Variants in AK8 observed in about 807,000 individuals in gnomAD.
The protein encoded by AK8 is adenylate kinase 8, also known as ATP-AMP transphosphorylase 8.
In AK8, 44 loss-of-function variants were observed where a neutral mutation model predicts 54.6. The ratio of observed to expected loss-of-function variants is 0.81; its 90% CI spans 0.63 to 1.04. AK8 has a LOEUF of 1.04. Ranked by LOEUF, AK8 falls within the 50% of genes least tolerant of loss-of-function variation. AK8 has a pLI of 0.00. For missense variants in AK8, 555 were observed against 613.6 expected (o/e 0.90, Z 1.01); for synonymous variants, 239 against 245.6 (o/e 0.97, Z 0.25).
intron 2 of AK8, among the ~76,000 whole-genome samples, chr9:132,871,902 T>C (rs550020205): frequency 5.3e-5 from 8 of 152,332 alleles, no homozygotes; most frequent in Admixed American, 1.3e-4. Context: ...AGTGGATAGT[T>C]TGACATTGAA....
At chr9:132,779,249 GTT>G (rs1296016739) in intron 11 of AK8, among the ~76,000 whole-genome samples, 1 of 152,248 alleles carries the variant, frequency 6.6e-6, no homozygotes, top group Non-Finnish European at 1.5e-5. Context: ...TAGTAAATGT[GTT>G]TACACTTCTT....
intron 11 of AK8, among the ~76,000 whole-genome samples, chr9:132,783,198 G>A (rs1457011810): frequency 6.6e-6 from 1 of 152,148 alleles, no homozygotes; most frequent in Non-Finnish European, 1.5e-5. Context: ...GGAGACATGA[G>A]TACAGAGGAA....
chr9:132,793,240 C>T (rs1313624922), intron 10 of AK8, among the ~76,000 whole-genome samples: 1 of 152,194 alleles, frequency 6.6e-6, no homozygotes, highest in Non-Finnish European at 1.5e-5. Context: ...TCTCTGGGGT[C>T]TCCCTTATAC....
At chr9:132,729,164 C>T (rs1361679575) in intron 11 of AK8, among the ~76,000 whole-genome samples, 1 of 152,200 alleles carries the variant, frequency 6.6e-6, no homozygotes, top group Non-Finnish European at 1.5e-5. Context: ...GGATTACAGG[C>T]ATGAGCCACC....
intron 5 of AK8, among the ~76,000 whole-genome samples, chr9:132,829,147 A>G (rs1842005568): frequency 6.6e-6 from 1 of 152,110 alleles, no homozygotes. Flanking sequence ...TAGTAGAAAC[A>G]GAGTTTCACC....
At chr9:132,846,324 C>T (rs1263169753) in intron 5 of AK8, among the ~76,000 whole-genome samples, 1 of 152,236 alleles carries the variant, frequency 6.6e-6, no homozygotes, top group African/African-American at 2.4e-5. Flanking sequence ...CCAAGCCTCT[C>T]TTCCAGCTAT....
At chr9:132,745,294 T>C (rs1837588928) in intron 11 of AK8, among the ~76,000 whole-genome samples, 1 of 152,196 alleles carries the variant, frequency 6.6e-6, no homozygotes, top group South Asian at 2.1e-4. Flanking sequence ...TGCATTTAAC[T>C]AATGGGGAAC....
intron 11 of AK8, among the ~76,000 whole-genome samples, chr9:132,766,648 CTT>C (rs1838736895): frequency 6.6e-6 from 1 of 151,802 alleles, no homozygotes; most frequent in Non-Finnish European, 1.5e-5. Context: ...AAAAAAAAAA[CTT>C]AAAATTTATA....
At position 132,860,259 on chromosome 9, in the gene AK8, C is replaced by T. The variant is rs186159999; in HGVS notation, c.333+3406G>A. On this transcript the variant is annotated intron_variant, in intron 4 of 12. Transcript: ENST00000298545. The surrounding 1 kb of genome is among the most constrained non-coding windows in gnomAD (Gnocchi z 4.4). ...AGCCATAAGAACACCATCTCCTCGG[C>T]GAGATTTATAACTCTGGCTGGCCTG... Among the ~76,000 whole-genome samples, 114 of 141,780 alleles carry T rather than the reference C, an allele frequency of 8.0e-4. No homozygotes were observed. Among genetic ancestry groups the T allele is most frequent in the East Asian group, 1.1e-3 (5 of 4,620 alleles). 93.0% of individuals were successfully genotyped at this position (141,780 alleles called of 152,430 possible). A position where few individuals can be genotyped will look rare whatever the true frequency, so the allele number is the denominator to read the frequency against.
Position 132,841,328 on chromosome 9 carries a change from C to A in AK8, c.403-12602G>T, listed in dbSNP as rs750641675. 3.3e-5 allele frequency among the ~76,000 whole-genome samples: 5 copies of A among 152,328 alleles called. No homozygotes were observed. In the East Asian group the frequency reaches 7.7e-4, roughly 23 times the overall value. ...GCCCATAAGAATCACATTCCCGGTG[C>A]GTGAAGGCCTCTGCCTTTTGATGAA... On this transcript the variant is annotated intron_variant, in intron 5 of 12. Transcript: ENST00000298545.
At chr9:132,762,658 C>G (rs1003520186) in intron 11 of AK8, among the ~76,000 whole-genome samples, 1 of 152,136 alleles carries the variant, frequency 6.6e-6, no homozygotes, top group East Asian at 1.9e-4. Flanking sequence ...AATCCCAGCA[C>G]TTTGGGAGGC....
chr9:132,731,630 T>C (rs1836850928), intron 11 of AK8, among the ~76,000 whole-genome samples: 1 of 152,218 alleles, frequency 6.6e-6, no homozygotes, highest in African/African-American at 2.4e-5. Flanking sequence ...GCACTGCATA[T>C]GGACATGGAA....
intron 5 of AK8, among the ~76,000 whole-genome samples, chr9:132,829,874 C>A (rs1842035669): frequency 6.6e-6 from 1 of 152,066 alleles, no homozygotes; most frequent in South Asian, 2.1e-4. Context: ...TCTTTAAATC[C>A]AATTGTGAAA....
intron 5 of AK8, among the ~76,000 whole-genome samples, chr9:132,847,387 G>C (rs1422201746): frequency 2.0e-5 from 3 of 152,152 alleles, no homozygotes; most frequent in Non-Finnish European, 4.4e-5. Flanking sequence ...CATTTTTTAG[G>C]TGCGTGTTAT....
intron 9 of AK8, among the ~76,000 whole-genome samples, chr9:132,820,879 G>A (rs1220738928): frequency 2.0e-5 from 3 of 152,172 alleles, no homozygotes; most frequent in Non-Finnish European, 4.4e-5. Context: ...AGATCTCAAG[G>A]CTACCTGCCT....
At chr9:132,850,952 G>A (rs932700859) in intron 5 of AK8, among the ~76,000 whole-genome samples, 5 of 150,968 alleles carry the variant, frequency 3.3e-5, no homozygotes, top group South Asian at 2.1e-4. Flanking sequence ...GGAAATGTGC[G>A]CCACCCGCCT....
chr9:132,800,993 C>T (rs1002914842), intron 10 of AK8, among the ~76,000 whole-genome samples: 5 of 141,442 alleles, frequency 3.5e-5, no homozygotes, highest in Non-Finnish European at 6.0e-5. Flanking sequence ...GGCGCGATTT[C>T]GGATCACTAC....
At chr9:132,866,076 T>C (rs1242895715) in intron 3 of AK8, among the ~76,000 whole-genome samples, 1 of 151,976 alleles carries the variant, frequency 6.6e-6, no homozygotes, top group Non-Finnish European at 1.5e-5. Context: ...TGCATGCCTG[T>C]AGTCCCAGCT....
chr9:132,777,900 C>A (rs7857089), intron 11 of AK8, among the ~76,000 whole-genome samples: 120,902 of 152,232 alleles, frequency 0.79, 48,293 homozygotes, highest in East Asian at 0.88. Flanking sequence ...CCTTGTCCAC[C>A]GACACTGTGG....
Sources: gnomAD v4.1 joint callset for allele counts (sites outside exome capture counted in the v4.1 genomes callset) on GRCh38, gnomAD v4.1.1 for gene constraint, Gnocchi (gnomAD v3.1) non-coding constraint, MANE v1.5 for transcripts, NCBI Gene and HGNC (gene_info 2026-07-23, HGNC 2026-07-21) for gene names.